DLGAP1: variants seen among roughly 807,000 people sequenced by gnomAD.
DLGAP1 encodes the protein disks large-associated protein 1.
Under a neutral mutation model 90.8 loss-of-function variants are expected in DLGAP1, and 11 were observed. The ratio of observed to expected loss-of-function variants is 0.12; its 90% CI spans 0.08 to 0.20. The LOEUF (loss-of-function observed/expected upper bound fraction) is 0.20, where lower values mean the gene tolerates loss of function less well. Ranked by LOEUF, DLGAP1 falls within the 10% of genes least tolerant of loss-of-function variation. The pLI is 1.00. For missense variants in DLGAP1, 1,050 were observed against 1,333.8 expected (o/e 0.79, Z 3.31); for synonymous variants, 558 against 540.7 (o/e 1.03, Z -0.44).
intron 2 of DLGAP1, among the ~76,000 whole-genome samples, chr18:4,074,919 C>T (rs1324369737): frequency 6.6e-6 from 1 of 152,178 alleles, no homozygotes; most frequent in Non-Finnish European, 1.5e-5. Flanking sequence ...ATGCCTAACA[C>T]ACACAGGACA....
chr18:4,040,692 T>C (rs1484627639), intron 2 of DLGAP1, among the ~76,000 whole-genome samples: 1 of 152,174 alleles, frequency 6.6e-6, no homozygotes, highest in Non-Finnish European at 1.5e-5. Context: ...CATGGCAAAT[T>C]ATTTAGGAGA....
chr18:4,236,373 T>C (rs1156355593), intron 1 of DLGAP1, among the ~76,000 whole-genome samples: 2 of 152,194 alleles, frequency 1.3e-5, no homozygotes, highest in Non-Finnish European at 2.9e-5. Context: ...ATTATGTCTC[T>C]TGGAAGGATA....
intron 7 of DLGAP1, among the ~76,000 whole-genome samples, chr18:3,691,996 A>G (rs913724135): frequency 3.3e-5 from 5 of 152,230 alleles, no homozygotes; most frequent in Non-Finnish European, 7.3e-5. Flanking sequence ...AAGGAAAAAT[A>G]GAAAATCTTG....
rs879456991 is a variant in DLGAP1, at chr18:4,008,251, T to A, written c.-158-3050A>T. 1.7e-3 allele frequency among the ~76,000 whole-genome samples: 234 copies of A among 137,414 alleles called. 3 individuals are homozygous for A. The highest frequency in any genetic ancestry group is 0.011 in the Middle Eastern group (3 of 264). The allele number at this position is 137,414 out of a possible 152,430, so 90.1% of individuals were successfully genotyped here. On this transcript the variant is annotated intron_variant, in intron 2 of 12. Coordinates refer to ENST00000315677, the MANE Select transcript of DLGAP1 (RefSeq NM_004746.4). ...TACACACACACACACACACACACAC[T>A]CACACACACATATACACCAAGTAAC...
chr18:4,208,717 A>T (rs917290284), intron 1 of DLGAP1, among the ~76,000 whole-genome samples: 1 of 152,102 alleles, frequency 6.6e-6, no homozygotes, highest in Non-Finnish European at 1.5e-5. Flanking sequence ...CAAGAGGGTG[A>T]CAGAGAGAAA....
chr18:3,894,977 A>G (rs1316278183), intron 3 of DLGAP1, among the ~76,000 whole-genome samples: 2 of 152,196 alleles, frequency 1.3e-5, no homozygotes, highest in Non-Finnish European at 2.9e-5. Context: ...TATACGAAAT[A>G]GGCATTTATA....
intron 1 of DLGAP1, among the ~76,000 whole-genome samples, chr18:4,340,166 G>T (rs772011580): frequency 1.3e-5 from 2 of 152,034 alleles, no homozygotes; most frequent in Non-Finnish European, 2.9e-5. Context: ...ATTATTAGTT[G>T]AATATTATTA....
intron 1 of DLGAP1, among the ~76,000 whole-genome samples, chr18:4,428,142 T>C (rs780923636): frequency 1.3e-5 from 2 of 152,192 alleles, no homozygotes; most frequent in East Asian, 1.9e-4. Flanking sequence ...TCAAATCTCA[T>C]GTCAAATTGT....
At chr18:4,057,120 A>G (rs2075232258) in intron 2 of DLGAP1, among the ~76,000 whole-genome samples, 1 of 151,298 alleles carries the variant, frequency 6.6e-6, no homozygotes, top group Non-Finnish European at 1.5e-5. Flanking sequence ...TGCCACCAGC[A>G]ATGTCAGGTG....
intron 1 of DLGAP1, among the ~76,000 whole-genome samples, chr18:4,402,163 C>T (rs969072210): frequency 6.6e-6 from 1 of 152,150 alleles, no homozygotes; most frequent in Admixed American, 6.6e-5. Flanking sequence ...CTGAACTTCA[C>T]CACTCTTTGG....
intron 7 of DLGAP1, among the ~76,000 whole-genome samples, chr18:3,662,608 G>T (rs997728714): frequency 1.3e-5 from 2 of 152,196 alleles, no homozygotes; most frequent in Non-Finnish European, 2.9e-5. Context: ...AAGCTGAGAA[G>T]ATTATTCAGC....
chr18:3,741,043 T>TCAC lies in DLGAP1; in HGVS notation c.1350+1289_1350+1291dup, dbSNP rs1568047835. Among the ~76,000 whole-genome samples, 33 of 20,208 alleles carry TCAC rather than the reference T, an allele frequency of 1.6e-3. 2 individuals are homozygous for TCAC. The highest frequency in any genetic ancestry group is 5.7e-3 in the African/African-American group (27 of 4,710). 13.3% of individuals were successfully genotyped at this position (20,208 alleles called of 152,430 possible). A position where few individuals can be genotyped will look rare whatever the true frequency, so the allele number is the denominator to read the frequency against. ...CACCACCACCACCACCACCATCACC[T>TCAC]CACCACCACCACCATCACCACCACC... is the stretch of plus-strand genomic sequence containing the variant. On this transcript the variant is annotated intron_variant, in intron 6 of 12. Transcript: ENST00000315677.
chr18:4,441,619 C>T (rs2083536715), intron 1 of DLGAP1, among the ~76,000 whole-genome samples: 1 of 152,174 alleles, frequency 6.6e-6, no homozygotes, highest in South Asian at 2.1e-4. Context: ...ATTTCTATTG[C>T]ATCTCCACAT....
At chr18:4,346,188 G>A (rs1420333454) in intron 1 of DLGAP1, among the ~76,000 whole-genome samples, 2 of 152,062 alleles carry the variant, frequency 1.3e-5, no homozygotes, top group African/African-American at 4.8e-5. Flanking sequence ...TCAGAGCCAG[G>A]CTAGCTTAGT....
intron 3 of DLGAP1, among the ~76,000 whole-genome samples, chr18:3,890,584 A>G (rs2071434124): frequency 6.6e-6 from 1 of 152,104 alleles, no homozygotes; most frequent in African/African-American, 2.4e-5. Flanking sequence ...ACTGGTTTTT[A>G]TTGTCTTTTA....
At chr18:4,419,237 A>T (rs1016082293) in intron 1 of DLGAP1, among the ~76,000 whole-genome samples, 8 of 152,306 alleles carry the variant, frequency 5.3e-5, no homozygotes, top group African/African-American at 1.9e-4. Context: ...CTATCATGAG[A>T]ACAGCACGGG....
chr18:4,286,452 T>C (rs1173065509), intron 1 of DLGAP1, among the ~76,000 whole-genome samples: 1 of 152,070 alleles, frequency 6.6e-6, no homozygotes, highest in Non-Finnish European at 1.5e-5. Flanking sequence ...GCACGGAGGA[T>C]GACGCTAATG....
intron 4 of DLGAP1, among the ~76,000 whole-genome samples, chr18:3,867,179 C>A (rs12960494): frequency 0.13 from 20,377 of 152,054 alleles, 1,565 homozygotes; most frequent in South Asian, 0.21. Flanking sequence ...CACTGTGAGT[C>A]ACAGTGTGGG....
At chr18:3,751,411 T>C (rs1020540086) in intron 5 of DLGAP1, among the ~76,000 whole-genome samples, 2 of 151,772 alleles carry the variant, frequency 1.3e-5, no homozygotes, top group African/African-American at 4.8e-5. Flanking sequence ...ATCCTCTCAT[T>C]TCAGTCTCCT....
Sources: allele counts gnomAD v4.1 joint callset (sites outside exome capture counted in the v4.1 genomes callset), GRCh38; gene constraint gnomAD v4.1.1; transcripts MANE v1.5; gene names NCBI Gene and HGNC (gene_info 2026-07-23, HGNC 2026-07-21).